Variants in GABRB3 observed in about 807,000 individuals in gnomAD.
GABRB3 encodes gamma-aminobutyric acid type A receptor subunit beta3.
GABRB3 carries 14 observed loss-of-function variants against 52.1 expected under a neutral mutation model. That is an observed-to-expected ratio of 0.27 (90% confidence interval 0.18 to 0.42). GABRB3 has a LOEUF of 0.42. GABRB3 is among the 10% of genes least tolerant of loss of function. The pLI, the probability that GABRB3 is intolerant of heterozygous loss-of-function variation, is 1.00. For missense variants in GABRB3, 307 were observed against 609.1 expected, an observed-to-expected ratio of 0.50 and a Z score of 5.22; for synonymous variants, 260 against 232.3, an observed-to-expected ratio of 1.12 and a Z score of -1.08.
At chr15:26,773,235 T>G (rs1198325343), upstream of GABRB3, among the ~76,000 whole-genome samples, 26 of 149,564 alleles carry the variant, frequency 1.7e-4, no homozygotes, top group Admixed American at 1.7e-3. Flanking sequence ...TCCCCCACGC[T>G]CGCCTCGGCC....
At chr15:26,665,512 C>T (rs1023131688) in intron 3 of GABRB3, among the ~76,000 whole-genome samples, 3 of 152,132 alleles carry the variant, frequency 2.0e-5, no homozygotes, top group African/African-American at 7.2e-5. Context: ...AGCAAATTAA[C>T]GTTTTCTTTT....
intron 3 of GABRB3, chr15:26,625,036 A>G: frequency 2.3e-6 from 2 of 881,694 alleles, no homozygotes; most frequent in Non-Finnish European, 2.7e-6. Flanking sequence ...AGTAACAAAA[A>G]TTGAAGAGCT....
rs35149010 is a variant in GABRB3, at chr15:26,621,949, A to ACT, written c.241-417_241-416dup. Among the ~76,000 whole-genome samples the ACT allele has an allele frequency of 0.36, 54,814 of 151,684 alleles. 10,581 individuals carry two copies. The highest frequency in any genetic ancestry group is 0.47 in the Middle Eastern group (136 of 292). Reference sequence around the variant, plus strand: ...TACAACAGATGAGCTCTATCTACAAACTCTCTCTGCAATTTGAGCCACTTT... The same window carrying ACT: ...TACAACAGATGAGCTCTATCTACAAACTCTCTCTCTGCAATTTGAGCCACTTT... On this transcript the variant is annotated intron_variant, in intron 3 of 8. Transcript: ENST00000311550. The surrounding 1 kb of genome is among the most constrained non-coding windows in gnomAD (Gnocchi z 4.1).
chr15:26,744,337 T>A (rs1419356106), intron 3 of GABRB3, among the ~76,000 whole-genome samples: 3 of 152,234 alleles, frequency 2.0e-5, no homozygotes, highest in Non-Finnish European at 4.4e-5. Context: ...TTTTGTAATT[T>A]TTAAAAATTT....
At chr15:26,604,702 T>G (rs1891714751) in intron 4 of GABRB3, among the ~76,000 whole-genome samples, 1 of 151,578 alleles carries the variant, frequency 6.6e-6, no homozygotes. Flanking sequence ...CTGGGAAAAC[T>G]GGATAACCGG....
intron 4 of GABRB3, among the ~76,000 whole-genome samples, chr15:26,616,375 A>G (rs1010950620): frequency 6.6e-6 from 1 of 152,226 alleles, no homozygotes; most frequent in Non-Finnish European, 1.5e-5. Flanking sequence ...ATCAATCTCT[A>G]GAGCTACATG....
At chr15:26,554,159 A>ATAAAGTATATATATATATATAT (rs1889632651) in intron 8 of GABRB3, among the ~76,000 whole-genome samples, 1 of 19,838 alleles carries the variant, frequency 5.0e-5, no homozygotes, top group Non-Finnish European at 8.6e-5. Flanking sequence ...TATATATATA[A>ATAAAGTATATATATATATATAT]AGTATATATA....
At chr15:26,570,953 G>A (rs929959691) in intron 6 of GABRB3, among the ~76,000 whole-genome samples, 1 of 151,998 alleles carries the variant, frequency 6.6e-6, no homozygotes, top group South Asian at 2.1e-4. Flanking sequence ...ACCATCATAG[G>A]TTATGAATAA....
In GABRB3 at chr15:26,625,706, T is replaced by C. The variant is rs143409569; in HGVS notation, c.241-4172A>G. 5.4e-3 allele frequency among the ~76,000 whole-genome samples: 818 copies of C among 152,210 alleles called. 5 individuals carry two copies. Among genetic ancestry groups the C allele is most frequent in the African/African-American group, 0.018 (763 of 41,534 alleles). Reference sequence around the variant, plus strand: ...TCTGGGTACAAAAATAAGAAATGACTGGGAAGGGTGGAGCTTCTCAAAGAA... The same window carrying C: ...TCTGGGTACAAAAATAAGAAATGACCGGGAAGGGTGGAGCTTCTCAAAGAA... On this transcript the variant is annotated intron_variant, in intron 3 of 8. Transcript: ENST00000311550.
intron 3 of GABRB3, among the ~76,000 whole-genome samples, chr15:26,683,523 G>A (rs941306878): frequency 5.4e-4 from 82 of 152,220 alleles, no homozygotes; most frequent in African/African-American, 2.0e-3. Flanking sequence ...CAATGGACGA[G>A]ATTGACACCT....
intron 3 of GABRB3, among the ~76,000 whole-genome samples, chr15:26,646,724 T>A (rs1887019082): frequency 6.6e-6 from 1 of 152,242 alleles, no homozygotes; most frequent in Non-Finnish European, 1.5e-5. Context: ...TTCTGTTTTT[T>A]AAAATTATGG....
chr15:26,555,791 A>T (rs748722068), intron 8 of GABRB3, among the ~76,000 whole-genome samples: 1 of 152,236 alleles, frequency 6.6e-6, no homozygotes, highest in Non-Finnish European at 1.5e-5. Flanking sequence ...ATATATATTG[A>T]ATTAATAAGA....
chr15:26,664,074 TCTCACTTTATTGC>T (rs1887629604), intron 3 of GABRB3, among the ~76,000 whole-genome samples: 1 of 152,164 alleles, frequency 6.6e-6, no homozygotes, highest in Non-Finnish European at 1.5e-5. Flanking sequence ...AGAGACAGGG[TCTCACTTTATTGC>T]CCAGGTGGGA....
intron 8 of GABRB3, among the ~76,000 whole-genome samples, chr15:26,556,521 C>T (rs760640855): frequency 3.9e-5 from 6 of 152,114 alleles, no homozygotes; most frequent in Non-Finnish European, 8.8e-5. Context: ...TGTAAAATAT[C>T]GCAAGGCTTG....
chr15:26,565,999 T>C (rs1276612099), intron 7 of GABRB3, among the ~76,000 whole-genome samples: 1 of 152,250 alleles, frequency 6.6e-6, no homozygotes, highest in Non-Finnish European at 1.5e-5. Flanking sequence ...AATGTATCTT[T>C]GAATTTTCCA....
intron 4 of GABRB3, among the ~76,000 whole-genome samples, chr15:26,611,636 A>G (rs189218429): frequency 5.9e-5 from 9 of 152,346 alleles, no homozygotes; most frequent in Admixed American, 5.9e-4. Context: ...AAAAACAGAA[A>G]GTCCAAGCAT....
chr15:26,636,057 T>C (rs752204155), intron 3 of GABRB3, among the ~76,000 whole-genome samples: 5 of 152,216 alleles, frequency 3.3e-5, no homozygotes, highest in Non-Finnish European at 5.9e-5. Flanking sequence ...AAAGCAGCCC[T>C]TTCCTCTGGA....
chr15:26,762,380 G>C (rs1890844419), intron 3 of GABRB3, among the ~76,000 whole-genome samples: 1 of 152,074 alleles, frequency 6.6e-6, no homozygotes, highest in Non-Finnish European at 1.5e-5. Context: ...AAGTGGCTTT[G>C]CTAATACAGT....
chr15:26,598,569 T>C (rs1253077583), intron 4 of GABRB3, among the ~76,000 whole-genome samples: 2 of 152,200 alleles, frequency 1.3e-5, no homozygotes, highest in Admixed American at 6.5e-5. Context: ...AGGTCTTACT[T>C]TGACTGCACT....
Sources: gnomAD v4.1 joint callset for allele counts (sites outside exome capture counted in the v4.1 genomes callset) on GRCh38, gnomAD v4.1.1 for gene constraint, Gnocchi (gnomAD v3.1) non-coding constraint, MANE v1.5 for transcripts, NCBI Gene and HGNC (gene_info 2026-07-23, HGNC 2026-07-21) for gene names.